The following DCLK1 variants were observed in gnomAD, a reference collection of about 807,000 sequenced individuals.
The protein encoded by DCLK1 is doublecortin like kinase 1.
In DCLK1, 16 loss-of-function variants were observed where a neutral mutation model predicts 86.2. The observed-to-expected ratio is 0.19, with a 90% CI of 0.13 to 0.28. DCLK1 has a LOEUF of 0.28. DCLK1 is among the 10% of genes least tolerant of loss of function. DCLK1 has a pLI of 1.00. For missense variants in DCLK1, 590 were observed against 940.2 expected, an observed-to-expected ratio of 0.63 and a Z score of 4.87; for synonymous variants, 369 against 370.5, an observed-to-expected ratio of 1.00 and a Z score of 0.05.
At chr13:36,073,562 G>A (rs766125466) in intron 3 of DCLK1, among the ~76,000 whole-genome samples, 2 of 152,042 alleles carry the variant, frequency 1.3e-5, no homozygotes, top group Non-Finnish European at 2.9e-5. Flanking sequence ...ATAAAACAAT[G>A]CCATGAATTT....
At position 36,045,328 on chromosome 13, in the gene DCLK1, GTGTGTATATATA is replaced by G. The variant is rs1291627762; in HGVS notation, c.723+66529_723+66540del. Among the ~76,000 whole-genome samples, 26 of 45,230 alleles carry G rather than the reference GTGTGTATATATA, an allele frequency of 5.7e-4. No homozygotes were observed. The East Asian group carries it at 9.4e-3, about 16-fold the overall frequency. The allele number at this position is 45,230 out of a possible 152,430, so 29.7% of individuals were successfully genotyped here. On this transcript the variant is annotated intron_variant, in intron 3 of 16. Coordinates refer to ENST00000360631, the MANE Select transcript of DCLK1 (RefSeq NM_001330071.2). ...TATATATGTCTATATATGTGTGTGT[GTGTGTATATATA>G]TATATATATATATATATATATATAT...
chr13:35,924,645 G>C (rs1169433677), intron 4 of DCLK1, among the ~76,000 whole-genome samples: 10 of 152,138 alleles, frequency 6.6e-5, no homozygotes, highest in Admixed American at 6.5e-4. Flanking sequence ...GCAAGACCCT[G>C]TCTTAAAAAA....
At chr13:35,899,222 G>C (rs1284372179) in intron 4 of DCLK1, among the ~76,000 whole-genome samples, 1 of 152,004 alleles carries the variant, frequency 6.6e-6, no homozygotes, top group African/African-American at 2.4e-5. Context: ...AGATGCTAGC[G>C]TCATTGATCC....
chr13:35,965,349 A>G (rs771663978), intron 3 of DCLK1, among the ~76,000 whole-genome samples: 1 of 152,176 alleles, frequency 6.6e-6, no homozygotes, highest in Non-Finnish European at 1.5e-5. Flanking sequence ...GTCAGTCCAA[A>G]GGACCGGCTC....
chr13:35,991,713 C>T (rs1377495566), intron 3 of DCLK1, among the ~76,000 whole-genome samples: 1 of 152,112 alleles, frequency 6.6e-6, no homozygotes, highest in Non-Finnish European at 1.5e-5. Context: ...GCTTTTCTCT[C>T]ATTAAACTAT....
At chr13:35,850,807 T>C in intron 6 of DCLK1, 1 of 1,552,844 alleles carries the variant, frequency 6.4e-7, no homozygotes, top group Non-Finnish European at 8.7e-7. Flanking sequence ...TAGATTTGTT[T>C]ACTCGGCTTT....
chr13:35,880,613 C>T (rs990230559), intron 4 of DCLK1, among the ~76,000 whole-genome samples: 1 of 152,158 alleles, frequency 6.6e-6, no homozygotes, highest in African/African-American at 2.4e-5. Context: ...TGCTGATTTG[C>T]AGTTGGGGTC....
At chr13:36,060,796 G>T (rs1218151154) in intron 3 of DCLK1, among the ~76,000 whole-genome samples, 1 of 152,160 alleles carries the variant, frequency 6.6e-6, no homozygotes, top group Non-Finnish European at 1.5e-5. Context: ...GAACTGTGCA[G>T]TTGTGGCCAT....
At chr13:35,906,624 G>A (rs1458987322) in intron 4 of DCLK1, among the ~76,000 whole-genome samples, 2 of 152,186 alleles carry the variant, frequency 1.3e-5, no homozygotes, top group Non-Finnish European at 2.9e-5. Context: ...AGATGTGTTG[G>A]TTGGGGGAAG....
chr13:35,993,226 G>A (rs1000682684), intron 3 of DCLK1, among the ~76,000 whole-genome samples: 3 of 152,012 alleles, frequency 2.0e-5, no homozygotes, highest in African/African-American at 4.8e-5. Flanking sequence ...ACTTCCTCCC[G>A]AAAGCTTTCT....
chr13:35,958,131 A>ACTACAACCATCACCACCACCACTG (rs1555352808), intron 3 of DCLK1, among the ~76,000 whole-genome samples: 1 of 49,692 alleles, frequency 2.0e-5, no homozygotes, highest in South Asian at 5.9e-4. Context: ...CACTACCACT[A>ACTACAACCATCACCACCACCACTG]CTATAACCAC....
rs533446500 is a variant in DCLK1 at position 35,945,592 on chromosome 13, G to A, written c.823+1766C>T. Among the ~76,000 whole-genome samples the A allele has an allele frequency of 2.5e-3, 380 of 152,274 alleles. 2 individuals carry two copies. Among genetic ancestry groups the A allele is most frequent in the Non-Finnish European group, 4.5e-3 (303 of 68,018 alleles). On this transcript the variant is annotated intron_variant, in intron 4 of 16. Coordinates refer to ENST00000360631, the MANE Select transcript of DCLK1 (RefSeq NM_001330071.2). ...CAGACTTTCATTTCAGAATGCATCT[G>A]GTCTGCCAAACCATTCTATCACAAG...
intron 3 of DCLK1, among the ~76,000 whole-genome samples, chr13:36,098,521 A>G (rs1268515667): frequency 6.6e-6 from 1 of 152,222 alleles, no homozygotes; most frequent in African/African-American, 2.4e-5. Context: ...GAGATTTGCA[A>G]TTATTTAAAT....
chr13:35,818,348 C>T (rs1281483447), intron 11 of DCLK1, among the ~76,000 whole-genome samples: 2 of 152,176 alleles, frequency 1.3e-5, no homozygotes, highest in Admixed American at 1.3e-4. Context: ...GGAGCACAAC[C>T]TGTCATCGTC....
At chr13:36,131,388 C>T, upstream of DCLK1, 3 of 196,014 alleles carry the variant, frequency 1.5e-5, no homozygotes, top group Non-Finnish European at 3.0e-5. Flanking sequence ...GCGGCGGCGG[C>T]GGCGGCGGGC....
chr13:36,064,720 A>C (rs1883687409), intron 3 of DCLK1, among the ~76,000 whole-genome samples: 1 of 151,706 alleles, frequency 6.6e-6, no homozygotes, highest in Non-Finnish European at 1.5e-5. Context: ...CATCTTTACC[A>C]GGAATAACAG....
intron 3 of DCLK1, among the ~76,000 whole-genome samples, chr13:36,105,581 C>G (rs1224517210): frequency 6.6e-6 from 1 of 152,126 alleles, no homozygotes; most frequent in Non-Finnish European, 1.5e-5. Flanking sequence ...ATCTATAATT[C>G]TATGGAACTA....
intron 8 of DCLK1, among the ~76,000 whole-genome samples, chr13:35,829,143 C>T (rs1282987879): frequency 6.6e-6 from 1 of 152,146 alleles, no homozygotes; most frequent in African/African-American, 2.4e-5. Flanking sequence ...TCTCCAGGCC[C>T]CTGCTCCCTG....
At chr13:36,056,893 C>CAAAAAAA (rs766434117) in intron 3 of DCLK1, among the ~76,000 whole-genome samples, 3 of 101,366 alleles carry the variant, frequency 3.0e-5, no homozygotes, top group African/African-American at 1.1e-4. Context: ...AAGACTGTGA[C>CAAAAAAA]AAAAAAAAAA....
Sources: allele counts gnomAD v4.1 joint callset (sites outside exome capture counted in the v4.1 genomes callset), GRCh38; gene constraint gnomAD v4.1.1; transcripts MANE v1.5; gene names NCBI Gene and HGNC (gene_info 2026-07-23, HGNC 2026-07-21).